FGF16: variants seen among roughly 807,000 people sequenced by gnomAD.
The protein encoded by FGF16 is metacarpal 4-5 fusion.
In FGF16, 2 loss-of-function variants were observed where a neutral mutation model predicts 8.5. The ratio of observed to expected loss-of-function variants is 0.24; its 90% confidence interval spans 0.10 to 0.75. The LOEUF (loss-of-function observed/expected upper bound fraction) is 0.75. Ranked by LOEUF, FGF16 falls within the 30% of genes least tolerant of loss-of-function variation. The pLI, the probability that FGF16 is intolerant of heterozygous loss-of-function variation, is 0.74. For missense variants in FGF16, 79 were observed against 87.4 expected, an observed-to-expected ratio of 0.90 and a Z score of 0.38; for synonymous variants, 33 against 34.6, an observed-to-expected ratio of 0.95 and a Z score of 0.16.
intron 1 of FGF16, among the ~76,000 whole-genome samples, chrX:77,453,849 T>A (rs782136783): frequency 8.9e-6 from 1 of 112,091 alleles, no homozygotes; most frequent in African/African-American, 3.2e-5. Context: ...AATAGCACCT[T>A]GCAATTATGG....
Position 77,454,275 on chromosome X carries a change from T to TC in FGF16, c.378+15_378+16insC, listed in dbSNP as rs2062566224. 2.1e-6 allele frequency: 1 copy of TC among 477,473 alleles called. No individual in the cohort carries two copies. Among genetic ancestry groups the TC allele is most frequent in the Non-Finnish European group, 2.9e-6 (1 of 345,440 alleles). 39.3% of individuals were successfully genotyped at this position (477,473 alleles called of 1,213,427 possible). ...TCTATGGGTCGGTAAGTTTAAGGTT[T>TC]TTTTTTTTTTTTTTTTTTTTTTTTT... On this transcript the variant is annotated intron_variant, in intron 2 of 2. Coordinates refer to ENST00000439435, the MANE Select transcript of FGF16 (RefSeq NM_003868.3).
Position 77,456,718 on chromosome X carries a change from G to A in FGF16, c.*196G>A, listed in dbSNP as rs1173615889. The A allele has an allele frequency of 5.0e-6, 2 of 400,637 alleles. No homozygotes were observed. The highest frequency in any genetic ancestry group is 4.3e-6 in the Non-Finnish European group (1 of 233,636). The allele number at this position is 400,637 out of a possible 1,213,427, so 33.0% of individuals were successfully genotyped here. Reference sequence around the variant, plus strand: ...AGGTTGGGTTATTTTGGGGAGGGATGGGGGGCTGGGCTCGAGGGAATCTTG... The same window carrying A: ...AGGTTGGGTTATTTTGGGGAGGGATAGGGGGCTGGGCTCGAGGGAATCTTG... On this transcript the variant is annotated 3_prime_UTR_variant, in exon 3 of 3. Transcript: ENST00000439435.
intron 1 of FGF16, among the ~76,000 whole-genome samples, chrX:77,448,974 C>T (rs990424147): frequency 3.5e-4 from 39 of 111,235 alleles, no homozygotes; most frequent in Non-Finnish European, 7.2e-4. Flanking sequence ...ACACCTTTTC[C>T]CCAAGCCAGT....
chrX:77,448,237 C>G (rs1301002365), intron 1 of FGF16, among the ~76,000 whole-genome samples: 1 of 113,043 alleles, frequency 8.8e-6, no homozygotes, highest in Non-Finnish European at 1.9e-5. Flanking sequence ...GGACTCTAAG[C>G]CTTGAATGAA....
chrX:77,447,496 G>A lies in FGF16; in HGVS notation c.-179G>A, dbSNP rs2147424094. ...GCTGCCCCGCGCTCCCCGCCACTGAGAAGTTCCTTGGACGCGAACAGACGT... is the reference window on the plus strand; with the variant it reads ...GCTGCCCCGCGCTCCCCGCCACTGAAAAGTTCCTTGGACGCGAACAGACGT... On this transcript the variant is annotated 5_prime_UTR_variant, in exon 1 of 3. Coordinates refer to ENST00000439435, the MANE Select transcript of FGF16 (RefSeq NM_003868.3). 1 of 280,710 alleles carries A rather than the reference G, an allele frequency of 3.6e-6. No homozygotes were observed. The highest frequency in any genetic ancestry group is 5.1e-5 in the East Asian group (1 of 19,430). The allele number at this position is 280,710 out of a possible 1,213,427, so 23.1% of individuals were successfully genotyped here.
At chrX:77,449,471 G>C (rs1237118548) in intron 1 of FGF16, among the ~76,000 whole-genome samples, 4 of 110,776 alleles carry the variant, frequency 3.6e-5, no homozygotes, top group Admixed American at 9.7e-5. Context: ...GGCCTCAGAG[G>C]CTTCCTGAAA....
intron 1 of FGF16, among the ~76,000 whole-genome samples, chrX:77,449,528 A>T (rs928635337): frequency 1.5e-4 from 17 of 111,605 alleles, no homozygotes; most frequent in Admixed American, 1.4e-3. Flanking sequence ...GTAACCAAAA[A>T]AAAAGATCAT....
rs1245314182 is a variant in FGF16, at chrX:77,447,635, G to A, written c.-40G>A. The A allele has an allele frequency of 3.4e-5, 10 of 295,801 alleles. No homozygotes were observed. The highest frequency in any genetic ancestry group is 8.7e-4 in the Middle Eastern group (1 of 1,150). 24.4% of individuals were successfully genotyped at this position (295,801 alleles called of 1,213,427 possible). ...GCGCCCCGTGGCCCCGGCTCGGCCC[G>A]CGCGCGCCCAGCACAACCAGCGCCG... On this transcript the variant is annotated 5_prime_UTR_variant, in exon 1 of 3. Coordinates refer to ENST00000439435, the MANE Select transcript of FGF16 (RefSeq NM_003868.3).
chrX:77,456,535 G>A lies in FGF16; in HGVS notation c.*13G>A. ...TCACTATAGGTAATGAACCTCTGGTGTGCCCTCTGTGACCCATGTACCCTG... is the reference window on the plus strand; with the variant it reads ...TCACTATAGGTAATGAACCTCTGGTATGCCCTCTGTGACCCATGTACCCTG... On this transcript the variant is annotated 3_prime_UTR_variant, in exon 3 of 3. Coordinates refer to ENST00000439435, the MANE Select transcript of FGF16 (RefSeq NM_003868.3). 1 of 1,206,290 alleles carries A rather than the reference G, an allele frequency of 8.3e-7. No individual in the cohort carries two copies. The highest frequency in any genetic ancestry group is 1.1e-6 in the Non-Finnish European group (1 of 891,449).
chrX:77,450,536 C>T (rs2062554088), intron 1 of FGF16, among the ~76,000 whole-genome samples: 1 of 112,618 alleles, frequency 8.9e-6, no homozygotes, highest in Admixed American at 9.4e-5. Flanking sequence ...GGAGAGTCCT[C>T]CCACCAGGTG....
At position 77,456,751 on chromosome X, in the gene FGF16, T is replaced by C; in HGVS notation, c.*229T>C. On this transcript the variant is annotated 3_prime_UTR_variant, in exon 3 of 3. Transcript: ENST00000439435. ...GGGCTCGAGGGAATCTTGTATATACTTTTTTCTTTACTCATGTTCCTTCCC... is the reference window on the plus strand; with the variant it reads ...GGGCTCGAGGGAATCTTGTATATACCTTTTTCTTTACTCATGTTCCTTCCC... 3.1e-6 allele frequency: 1 copy of C among 326,680 alleles called. No individual in the cohort carries two copies. The highest frequency in any genetic ancestry group is 5.2e-5 in the Admixed American group (1 of 19,367). The allele number at this position is 326,680 out of a possible 1,213,427, so 26.9% of individuals were successfully genotyped here. A position where few individuals can be genotyped will look rare whatever the true frequency, so the allele number is the denominator to read the frequency against.
At chrX:77,452,966 A>G (rs2062561456) in intron 1 of FGF16, among the ~76,000 whole-genome samples, 1 of 111,116 alleles carries the variant, frequency 9.0e-6, no homozygotes, top group African/African-American at 3.3e-5. Flanking sequence ...AGTCCCAGCT[A>G]CGAGGGAGGC....
At chrX:77,454,387 A>G in intron 2 of FGF16, 127 bp downstream of exon 2, 1 of 401,975 alleles carries the variant, frequency 2.5e-6, no homozygotes, top group African/African-American at 2.9e-5. Flanking sequence ...ATGGTGGCTC[A>G]CGCCTGTAAT....
At chrX:77,455,199 A>G (rs2062568967) in intron 2 of FGF16, among the ~76,000 whole-genome samples, 2 of 112,273 alleles carry the variant, frequency 1.8e-5, no homozygotes, top group African/African-American at 6.5e-5. Flanking sequence ...TTGGCAGTAG[A>G]TGGTCAGGGT....
chrX:77,449,155 G>T (rs1252091162), intron 1 of FGF16, among the ~76,000 whole-genome samples: 1 of 111,830 alleles, frequency 8.9e-6, no homozygotes, highest in South Asian at 3.7e-4. Flanking sequence ...GGGCCAGTGC[G>T]GGGTAAGGCC....
chrX:77,448,259 C>T (rs1557026401), intron 1 of FGF16, among the ~76,000 whole-genome samples: 1 of 112,924 alleles, frequency 8.9e-6, no homozygotes, highest in Non-Finnish European at 1.9e-5. Context: ...GCAGGTGGAG[C>T]TGAGACAGGG....
chrX:77,450,105 G>A (rs1222085545), intron 1 of FGF16, among the ~76,000 whole-genome samples: 1 of 112,096 alleles, frequency 8.9e-6, no homozygotes, highest in Non-Finnish European at 1.9e-5. Context: ...AATCAGCCAG[G>A]GTATTCAATA....
intron 1 of FGF16, among the ~76,000 whole-genome samples, chrX:77,448,575 C>G (rs182831779): frequency 2.2e-4 from 24 of 111,507 alleles, no homozygotes; most frequent in Middle Eastern, 9.3e-3. Context: ...CAGCTTTTGC[C>G]GGAAACTACC....
At chrX:77,450,477 C>T (rs1474643326) in intron 1 of FGF16, among the ~76,000 whole-genome samples, 5 of 112,587 alleles carry the variant, frequency 4.4e-5, no homozygotes, top group African/African-American at 1.3e-4. Flanking sequence ...ACTGACATTC[C>T]GAGGGGCACC....
Sources: gnomAD v4.1 joint callset for allele counts (sites outside exome capture counted in the v4.1 genomes callset) on GRCh38, gnomAD v4.1.1 for gene constraint, MANE v1.5 for transcripts, NCBI Gene and HGNC (gene_info 2026-07-23, HGNC 2026-07-21) for gene names.